SPSB4: variants seen among roughly 807,000 people sequenced by gnomAD.
SPSB4 encodes SPRY domain-containing SOCS box protein 4.
In SPSB4, 21 loss-of-function variants were observed where a neutral mutation model predicts 20.9. The observed-to-expected ratio is 1.01, with a 90% CI of 0.71 to 1.45. SPSB4 has a LOEUF of 1.45. Among genes scored for constraint, SPSB4 ranks in the 40% most tolerant of loss-of-function variants. The pLI is 0.00. For missense variants in SPSB4, 399 were observed against 399.2 expected (o/e 1.00, Z 0.00); for synonymous variants, 207 against 183.8 (o/e 1.13, Z -1.02).
At chr3:141,108,395 T>TTTGCTCA (rs1938734595) in intron 2 of SPSB4, among the ~76,000 whole-genome samples, 1 of 152,204 alleles carries the variant, frequency 6.6e-6, no homozygotes, top group Non-Finnish European at 1.5e-5. Flanking sequence ...TTCCTAATTG[T>TTTGCTCA]ATTTTGCTCA....
intron 2 of SPSB4, among the ~76,000 whole-genome samples, chr3:141,106,389 T>C (rs1938690548): frequency 6.6e-6 from 1 of 152,162 alleles, no homozygotes; most frequent in South Asian, 2.1e-4. Flanking sequence ...TTATGGCTTT[T>C]CACCCTCCCT....
chr3:141,082,071 TC>T (rs1017595334), intron 2 of SPSB4, among the ~76,000 whole-genome samples: 14 of 152,092 alleles, frequency 9.2e-5, no homozygotes, highest in Non-Finnish European at 1.9e-4. Context: ...TCTCTTTTCC[TC>T]CTGACCTGGT....
chr3:141,065,478 C>G (rs1185526247), intron 1 of SPSB4, among the ~76,000 whole-genome samples: 1 of 152,216 alleles, frequency 6.6e-6, no homozygotes, highest in Non-Finnish European at 1.5e-5. Context: ...AGGCTTGTCC[C>G]CTGGGATCAA....
At chr3:141,064,286 G>A (rs1361154975) in intron 1 of SPSB4, among the ~76,000 whole-genome samples, 1 of 152,342 alleles carries the variant, frequency 6.6e-6, no homozygotes, top group East Asian at 1.9e-4. Flanking sequence ...GGTTATAAAT[G>A]TGTTCTAGTT....
intron 2 of SPSB4, among the ~76,000 whole-genome samples, chr3:141,139,509 G>C (rs953725471): frequency 1.3e-5 from 2 of 152,122 alleles, no homozygotes; most frequent in Non-Finnish European, 2.9e-5. Flanking sequence ...CTTCCTTCAG[G>C]AGCTCTTTTA....
Position 141,066,639 on chromosome 3 carries a change from G to C in SPSB4, c.535G>C (p.Val179Leu). ...EAFALPDSLL[V>L]VLDMDEGTLS... is the part of the protein sequence containing the mutation. ...CTTTGCGCTGCCCGACTCGCTGCTC[G>C]TGGTGCTGGACATGGATGAGGGCAC... Residue 179 changes from valine (V) to leucine (L), a missense_variant, in exon 2 of 3, where the codon GTG becomes CTG. Transcript: ENST00000310546. 1.9e-6 allele frequency: 3 copies of C among 1,611,568 alleles called. No homozygotes were observed. Among genetic ancestry groups the C allele is most frequent in the Non-Finnish European group, 2.5e-6 (3 of 1,178,874 alleles).
chr3:141,104,759 C>T (rs1363836857), intron 2 of SPSB4, among the ~76,000 whole-genome samples: 1 of 152,242 alleles, frequency 6.6e-6, no homozygotes, highest in Non-Finnish European at 1.5e-5. Context: ...TTTACGAAAC[C>T]AGCCAAATAT....
At position 141,147,235 on chromosome 3, in the gene SPSB4, C is replaced by G. The variant is rs1559860040; in HGVS notation, c.788C>G (p.Pro263Arg). The G allele has an allele frequency of 3.7e-6, 6 of 1,614,132 alleles. No individual in the cohort carries two copies. Among genetic ancestry groups the G allele is most frequent in the Non-Finnish European group, 4.2e-6 (5 of 1,180,056 alleles). The change falls in exon 3 of 3, where the codon CCT becomes CGT. Residue 263 changes from proline (P) to arginine (R), a missense_variant. By Grantham distance (103) the Pro-to-Arg change is moderately radical (BLOSUM62 -2). Transcript: ENST00000310546. The part of the protein sequence containing the change: ...RLQDISSLPL[P>R]QSLKNYLQYQ ...CAGGACATCAGCTCCCTGCCCCTGC[C>G]TCAGTCTCTCAAAAACTATCTGCAG...
chr3:141,141,993 C>G (rs150534945), intron 2 of SPSB4, among the ~76,000 whole-genome samples: 1 of 152,208 alleles, frequency 6.6e-6, no homozygotes, highest in Admixed American at 6.5e-5. Context: ...TTTCAAAGAA[C>G]TGGCTTTTTG....
chr3:141,116,788 C>CA (rs916793514), intron 2 of SPSB4, among the ~76,000 whole-genome samples: 3 of 152,156 alleles, frequency 2.0e-5, no homozygotes, highest in African/African-American at 4.8e-5. Context: ...TTATTATTGC[C>CA]AAAAAAATCA....
intron 2 of SPSB4, among the ~76,000 whole-genome samples, chr3:141,139,816 G>C (rs932222560): frequency 5.2e-4 from 79 of 152,162 alleles, no homozygotes; most frequent in Admixed American, 4.1e-3. Flanking sequence ...TATGTGTCTT[G>C]GAGTTGCTCT....
At chr3:141,091,100 A>C (rs1439686301) in intron 2 of SPSB4, among the ~76,000 whole-genome samples, 4 of 152,214 alleles carry the variant, frequency 2.6e-5, no homozygotes, top group African/African-American at 9.6e-5. Flanking sequence ...AGATTTGGAC[A>C]TGCTATGGTT....
At chr3:141,057,921 C>T (rs1937690001) in intron 1 of SPSB4, among the ~76,000 whole-genome samples, 1 of 152,190 alleles carries the variant, frequency 6.6e-6, no homozygotes, top group South Asian at 2.1e-4. Flanking sequence ...AGTCTGACCC[C>T]TTTGGTGTAG....
chr3:141,074,189 TCTAATTAGCTGTGACC>T (rs1274964974), intron 2 of SPSB4, among the ~76,000 whole-genome samples: 3 of 152,168 alleles, frequency 2.0e-5, no homozygotes, highest in Admixed American at 2.0e-4. Context: ...TGACTTGGTT[TCTAATTAGCTGTGACC>T]CTGAACAAGT....
At chr3:141,130,579 A>T (rs1282716400) in intron 2 of SPSB4, among the ~76,000 whole-genome samples, 3 of 152,128 alleles carry the variant, frequency 2.0e-5, no homozygotes, top group African/African-American at 7.2e-5. Context: ...TCACCTCTTG[A>T]CTCTAAGATG....
intron 2 of SPSB4, among the ~76,000 whole-genome samples, chr3:141,067,212 A>G (rs1340167988): frequency 6.6e-6 from 1 of 152,220 alleles, no homozygotes; most frequent in East Asian, 1.9e-4. Flanking sequence ...AGACAGTGAC[A>G]AGTCCCCAGT....
chr3:141,065,359 C>T (rs1249385468), intron 1 of SPSB4, among the ~76,000 whole-genome samples: 1 of 152,194 alleles, frequency 6.6e-6, no homozygotes, highest in Non-Finnish European at 1.5e-5. Context: ...AGCCTGGCTA[C>T]ATTTTAGGAG....
At chr3:141,111,989 T>C (rs1559851319) in intron 2 of SPSB4, among the ~76,000 whole-genome samples, 1 of 152,198 alleles carries the variant, frequency 6.6e-6, no homozygotes, top group Non-Finnish European at 1.5e-5. Flanking sequence ...GAGTTCTGCA[T>C]AAATTTCATT....
chr3:141,104,148 T>G (rs1204713962), intron 2 of SPSB4, among the ~76,000 whole-genome samples: 1 of 151,552 alleles, frequency 6.6e-6, no homozygotes, highest in Admixed American at 6.6e-5. Flanking sequence ...AGACAAGGAG[T>G]GCCTGCAGGT....
Sources: allele counts gnomAD v4.1 joint callset (sites outside exome capture counted in the v4.1 genomes callset), GRCh38; gene constraint gnomAD v4.1.1; transcripts MANE v1.5; gene names NCBI Gene and HGNC (gene_info 2026-07-23, HGNC 2026-07-21).